The following TRIML2 variants were observed in gnomAD, a reference collection of about 807,000 sequenced individuals.
TRIML2 encodes the protein tripartite motif family like 2.
Under a neutral mutation model 31.2 loss-of-function variants are expected in TRIML2, and 28 were observed. The observed-to-expected ratio is 0.90, with a 90% CI of 0.66 to 1.23. The LOEUF is 1.23. Ranked by LOEUF, TRIML2 falls within the 50% of genes most tolerant of loss-of-function variation. The pLI is 0.00. For synonymous variants in TRIML2, 187 were observed against 197.5 expected (o/e 0.95, Z 0.45); for missense variants, 536 against 528.3 (o/e 1.01, Z -0.14).
At chr4:188,097,265 C>A in intron 6 of TRIML2, 59 bp downstream of exon 6, 1 of 1,603,588 alleles carries the variant, frequency 6.2e-7, no homozygotes. Context: ...CTCCCTATCT[C>A]AATCAACATC....
intron 3 of TRIML2, among the ~76,000 whole-genome samples, chr4:188,102,878 A>G (rs1285674723): frequency 2.0e-5 from 3 of 151,658 alleles, no homozygotes. Flanking sequence ...ATTCAATGAA[A>G]TCAAGATTTA....
chr4:188,108,270 C>T (rs1734123447), intron 1 of TRIML2, among the ~76,000 whole-genome samples: 1 of 152,120 alleles, frequency 6.6e-6, no homozygotes, highest in Admixed American at 6.5e-5. Flanking sequence ...ATTTCAATCT[C>T]CTGCCCAATT....
Position 188,099,070 on chromosome 4 carries a change from T to A in TRIML2, c.586A>T (p.Lys196Ter). 6.2e-7 allele frequency: 1 copy of A among 1,614,136 alleles called. No individual in the cohort carries two copies. Among genetic ancestry groups the A allele is most frequent in the Non-Finnish European group, 8.5e-7 (1 of 1,180,012 alleles). ...GCCAAGGTGCCTTCCCCACACTTTT[T>A]CTCAAGCTCCACGATGAGCTTTAGG... The part of the protein sequence containing the change: ...SLLKLIVELE[K>*]KCGEGTLALL... Residue 196 changes from lysine to a stop codon, truncating the protein, a stop_gained, in exon 5 of 8, where the codon AAA becomes TAA. Coordinates refer to ENST00000682553, the MANE Select transcript of TRIML2 (RefSeq NM_173553.4). LOFTEE classifies it high-confidence loss of function.
At chr4:188,093,465 G>C (rs1361494003) in intron 7 of TRIML2, among the ~76,000 whole-genome samples, 1 of 151,976 alleles carries the variant, frequency 6.6e-6, no homozygotes, top group African/African-American at 2.4e-5. Flanking sequence ...CTTGAGGCCA[G>C]GACTTTGAGA....
At chr4:188,092,043 T>A in intron 7 of TRIML2, 102 bp from the exon 8 acceptor site, 1 of 1,249,734 alleles carries the variant, frequency 8.0e-7, no homozygotes, top group Non-Finnish European at 1.1e-6. Context: ...TGGGCACAAG[T>A]CCCAGGCCCA....
intron 7 of TRIML2, among the ~76,000 whole-genome samples, chr4:188,093,413 C>T (rs1164827247): frequency 6.6e-6 from 1 of 152,150 alleles, no homozygotes; most frequent in Non-Finnish European, 1.5e-5. Context: ...GTGGCTCACG[C>T]TTGTAATCCC....
At chr4:188,100,556 A>G (rs1452288034) in intron 4 of TRIML2, among the ~76,000 whole-genome samples, 4 of 152,118 alleles carry the variant, frequency 2.6e-5, no homozygotes, top group African/African-American at 9.7e-5. Flanking sequence ...CCCCGTCTCT[A>G]CTAAATATAC....
chr4:188,106,264 G>T (rs1734035382), intron 1 of TRIML2, among the ~76,000 whole-genome samples: 2 of 152,008 alleles, frequency 1.3e-5, no homozygotes, highest in Non-Finnish European at 2.9e-5. Flanking sequence ...TGTTAGCCAG[G>T]ATGGTCTCGA....
At chr4:188,096,974 G>T in intron 7 of TRIML2, 87 bp downstream of exon 7, 1 of 1,044,402 alleles carries the variant, frequency 9.6e-7, no homozygotes, top group Non-Finnish European at 1.5e-6. Flanking sequence ...TTAAACTACT[G>T]GAATTTGTTT....
chr4:188,097,470 C>T, intron 5 of TRIML2, 124 bp from the exon 6 acceptor site: 1 of 872,854 alleles, frequency 1.1e-6, no homozygotes, highest in Non-Finnish European at 1.9e-6. Flanking sequence ...CCTCATAATG[C>T]TAGTTATCAG....
intron 2 of TRIML2, 78 bp downstream of exon 2, chr4:188,105,102 G>C: frequency 6.6e-7 from 1 of 1,516,480 alleles, no homozygotes; most frequent in Non-Finnish European, 9.0e-7. Flanking sequence ...AATGGTTTTG[G>C]AGGACCAGAA....
chr4:188,095,911 A>AT (rs1733484025), intron 7 of TRIML2, among the ~76,000 whole-genome samples: 1 of 152,220 alleles, frequency 6.6e-6, no homozygotes, highest in South Asian at 2.1e-4. Context: ...TCTATATGTC[A>AT]ACTGCAGTAT....
At chr4:188,094,444 T>C (rs1054699000) in intron 7 of TRIML2, among the ~76,000 whole-genome samples, 1 of 152,218 alleles carries the variant, frequency 6.6e-6, no homozygotes, top group African/African-American at 2.4e-5. Context: ...CAAATGTCAA[T>C]ATATATAAAA....
At chr4:188,101,946 C>T (rs1300960588) in intron 3 of TRIML2, among the ~76,000 whole-genome samples, 24 of 151,130 alleles carry the variant, frequency 1.6e-4, no homozygotes, top group African/African-American at 4.6e-4. Context: ...CTGGCTAACA[C>T]GGTGAAACCC....
chr4:188,091,302 C>A lies in TRIML2; in HGVS notation c.*71G>T. 2 of 1,463,826 alleles carry A rather than the reference C, an allele frequency of 1.4e-6. No homozygotes were observed. The highest frequency in any genetic ancestry group is 1.3e-5 in the South Asian group (1 of 76,610). 90.7% of individuals were successfully genotyped at this position (1,463,826 alleles called of 1,614,324 possible). On this transcript the variant is annotated 3_prime_UTR_variant, in exon 8 of 8. Transcript: ENST00000682553. Reference sequence around the variant, plus strand: ...GAACGCTTTTTATTGGGTTAGTTTACACAAATTCTTTCAAAGTCTTGTTCT... The same window carrying A: ...GAACGCTTTTTATTGGGTTAGTTTAAACAAATTCTTTCAAAGTCTTGTTCT...
intron 5 of TRIML2, chr4:188,098,124 A>G (rs77035135): frequency 0.027 from 2,827 of 103,366 alleles, 15 homozygotes; most frequent in East Asian, 0.14. Context: ...CGTCTCGGGG[A>G]AAAAAAAAAA....
chr4:188,091,907 G>GTGCC lies in TRIML2; in HGVS notation c.779_780insGGCA (p.Cys261AlafsTer7), dbSNP rs1733279291. ...TCAGGTCCTCAGATAGTGCCAGGCA[G>GTGCC]GGATGAGCTGTTTCAGGATCCAATG... On this transcript the variant is annotated frameshift_variant, in exon 8 of 8. Transcript: ENST00000682553. LOFTEE classifies it low-confidence loss of function (END_TRUNC). The GTGCC allele has an allele frequency of 6.2e-7, 1 of 1,612,656 alleles. No individual in the cohort carries two copies. The highest frequency in any genetic ancestry group is 8.5e-7 in the Non-Finnish European group (1 of 1,179,954).
rs765258348 is a variant in TRIML2, at chr4:188,092,751, G to A, written c.746-810C>T. Reference sequence around the variant, plus strand: ...TTACATCAGATAATTTATCAGCGGAGGATGGAACACCTGTGTGGACCCTCC... The same window carrying A: ...TTACATCAGATAATTTATCAGCGGAAGATGGAACACCTGTGTGGACCCTCC... On this transcript the variant is annotated intron_variant, in intron 7 of 7. Coordinates refer to ENST00000682553, the MANE Select transcript of TRIML2 (RefSeq NM_173553.4). The A allele has an allele frequency of 9.5e-5, 43 of 454,440 alleles. 1 individual carries two copies. Among genetic ancestry groups the A allele is most frequent in the South Asian group, 6.7e-4 (43 of 64,466 alleles). The allele number at this position is 454,440 out of a possible 1,614,324, so 28.2% of individuals were successfully genotyped here. A position where few individuals can be genotyped will look rare whatever the true frequency, so the allele number is the denominator to read the frequency against.
intron 3 of TRIML2, among the ~76,000 whole-genome samples, chr4:188,101,629 G>T (rs1330338711): frequency 6.6e-6 from 1 of 151,960 alleles, no homozygotes; most frequent in African/African-American, 2.4e-5. Flanking sequence ...GGGAGGTGGA[G>T]GTTGCAGTGA....
Sources: allele counts gnomAD v4.1 joint callset (sites outside exome capture counted in the v4.1 genomes callset), GRCh38; gene constraint gnomAD v4.1.1; transcripts MANE v1.5; gene names NCBI Gene and HGNC (gene_info 2026-07-23, HGNC 2026-07-21).